GABRG3: variants seen among roughly 807,000 people sequenced by gnomAD.
The protein encoded by GABRG3 is gamma-aminobutyric acid type A receptor subunit gamma3, also known as gamma-aminobutyric acid receptor subunit gamma-3.
In GABRG3, 25 loss-of-function variants were observed where a neutral mutation model predicts 48.8. The ratio of observed to expected loss-of-function variants is 0.51; its 90% confidence interval spans 0.37 to 0.72. The LOEUF (loss-of-function observed/expected upper bound fraction) is 0.72, where lower values mean the gene tolerates loss of function less well. Ranked by LOEUF, GABRG3 falls within the 30% of genes least tolerant of loss-of-function variation. GABRG3 has a pLI of 0.00. For synonymous variants in GABRG3, 227 were observed against 217.6 expected, an observed-to-expected ratio of 1.04 and a Z score of -0.38; for missense variants, 394 against 577.9, an observed-to-expected ratio of 0.68 and a Z score of 3.26.
At chr15:27,407,375 T>C (rs1887670333) in intron 5 of GABRG3, among the ~76,000 whole-genome samples, 1 of 152,164 alleles carries the variant, frequency 6.6e-6, no homozygotes, top group Non-Finnish European at 1.5e-5. Flanking sequence ...AAATGAACAA[T>C]GGTAGCACAC....
intron 3 of GABRG3, among the ~76,000 whole-genome samples, chr15:27,197,162 G>A (rs1034106268): frequency 3.9e-5 from 6 of 152,140 alleles, no homozygotes; most frequent in African/African-American, 1.2e-4. Context: ...GTTGATTGGT[G>A]TACTAAATGC....
Position 27,391,454 on chromosome 15 carries a change from G to A in GABRG3, c.574+62566G>A, listed in dbSNP as rs992251066. On this transcript the variant is annotated intron_variant, in intron 5 of 9. Coordinates refer to ENST00000615808, the MANE Select transcript of GABRG3 (RefSeq NM_033223.5). ...ACTTAGTTCTGCACTTCATTTTCAG[G>A]TAGTAAAAATAATAATAATAATAAT... Among the ~76,000 whole-genome samples the A allele has an allele frequency of 5.3e-5, 8 of 152,002 alleles. No individual in the cohort carries two copies. The South Asian group carries it at 8.3e-4, about 16-fold the overall frequency.
chr15:27,300,836 T>C (rs1432181274), intron 3 of GABRG3, among the ~76,000 whole-genome samples: 1 of 147,876 alleles, frequency 6.8e-6, no homozygotes, highest in East Asian at 2.0e-4. Context: ...GCACGGTGGC[T>C]CACGCCTGTA....
intron 2 of GABRG3, among the ~76,000 whole-genome samples, chr15:27,018,047 A>C (rs552006700): frequency 1.3e-5 from 2 of 152,218 alleles, no homozygotes; most frequent in Admixed American, 1.3e-4. Flanking sequence ...GGAAGGGAGA[A>C]GCTGCTATTA....
chr15:27,377,164 C>A (rs1276731661), intron 5 of GABRG3, among the ~76,000 whole-genome samples: 1 of 152,208 alleles, frequency 6.6e-6, no homozygotes, highest in African/African-American at 2.4e-5. Flanking sequence ...AGTTTCTCAT[C>A]TCCATCTGAA....
rs1350241274 is a variant in GABRG3 at position 27,179,354 on chromosome 15, C to T, written c.271-147455C>T. 6.6e-6 allele frequency among the ~76,000 whole-genome samples: 1 copy of T among 152,202 alleles called. No homozygotes were observed. Among genetic ancestry groups the T allele is most frequent in the Non-Finnish European group, 1.5e-5 (1 of 68,046 alleles). Reference sequence around the variant, plus strand: ...ATCATATGTGTCCGTGAGAATAGCACATTAGCCACATTCAAAATAAGGTAC... The same window carrying T: ...ATCATATGTGTCCGTGAGAATAGCATATTAGCCACATTCAAAATAAGGTAC... On this transcript the variant is annotated intron_variant, in intron 3 of 9. Coordinates refer to ENST00000615808, the MANE Select transcript of GABRG3 (RefSeq NM_033223.5). This position sits in a 1 kb window ranked among gnomAD's most constrained non-coding sequence, Gnocchi z 4.0.
chr15:27,209,576 C>A (rs1889004041), intron 3 of GABRG3, among the ~76,000 whole-genome samples: 1 of 152,120 alleles, frequency 6.6e-6, no homozygotes. Context: ...GCCCCAGTAC[C>A]CAGCAGGGGC....
intron 3 of GABRG3, among the ~76,000 whole-genome samples, chr15:27,272,397 TG>T (rs1891118743): frequency 6.6e-6 from 1 of 152,236 alleles, no homozygotes; most frequent in Non-Finnish European, 1.5e-5. Flanking sequence ...ACATACAGTT[TG>T]GGCTCTGTGA....
chr15:27,523,769 A>G (rs1222084510), intron 7 of GABRG3, among the ~76,000 whole-genome samples: 1 of 152,018 alleles, frequency 6.6e-6, no homozygotes, highest in Non-Finnish European at 1.5e-5. Context: ...GACAGAGGAA[A>G]GAATCAGTGA....
chr15:27,328,756 C>T (rs4128125), intron 4 of GABRG3, 50 bp from the exon 5 acceptor site: 40,670 of 1,549,100 alleles, frequency 0.026, 1,236 homozygotes, highest in South Asian at 0.1. Context: ...GGCCGCCGGC[C>T]TTGCCCTGTG....
intron 5 of GABRG3, among the ~76,000 whole-genome samples, chr15:27,338,438 A>G (rs77924477): frequency 0.054 from 8,194 of 152,178 alleles, 429 homozygotes; most frequent in African/African-American, 0.13. Context: ...AACCGATTTA[A>G]GATGATCAAG....
At chr15:27,346,586 C>A (rs1341934869) in intron 5 of GABRG3, among the ~76,000 whole-genome samples, 1 of 151,548 alleles carries the variant, frequency 6.6e-6, no homozygotes, top group Non-Finnish European at 1.5e-5. Flanking sequence ...TACGTTACAC[C>A]TTTTGTAATT....
intron 4 of GABRG3, among the ~76,000 whole-genome samples, chr15:27,327,856 T>G (rs1893669272): frequency 6.6e-6 from 1 of 152,154 alleles, no homozygotes; most frequent in South Asian, 2.1e-4. Flanking sequence ...CTGCTCTTTC[T>G]GCCTCAGGGC....
chr15:27,139,358 G>GGAGA (rs369147863), intron 3 of GABRG3, among the ~76,000 whole-genome samples: 4 of 151,764 alleles, frequency 2.6e-5, no homozygotes, highest in Admixed American at 6.6e-5. Flanking sequence ...AGGAGCTTCA[G>GGAGA]GAGAGAGAGA....
At chr15:27,208,935 A>G (rs996172913) in intron 3 of GABRG3, among the ~76,000 whole-genome samples, 1 of 152,198 alleles carries the variant, frequency 6.6e-6, no homozygotes, top group East Asian at 1.9e-4. Flanking sequence ...TCACATTTGT[A>G]TACAAAGAAA....
At position 27,304,726 on chromosome 15, in the gene GABRG3, T is replaced by A. The variant is rs551686747; in HGVS notation, c.271-22083T>A. 4.6e-5 allele frequency among the ~76,000 whole-genome samples: 7 copies of A among 152,134 alleles called. No individual in the cohort carries two copies. In the East Asian group the frequency reaches 1.2e-3, roughly 25 times the overall value. ...GGCCCACCCAGATAATTCAAGGTAA[T>A]CTTCCCATCTCATGGTCTTCAACTT... On this transcript the variant is annotated intron_variant, in intron 3 of 9. Coordinates refer to ENST00000615808, the MANE Select transcript of GABRG3 (RefSeq NM_033223.5).
At chr15:27,387,124 CTG>C (rs749956488) in intron 5 of GABRG3, among the ~76,000 whole-genome samples, 19 of 152,068 alleles carry the variant, frequency 1.2e-4, no homozygotes, top group Non-Finnish European at 2.5e-4. Flanking sequence ...AGGAAACTGA[CTG>C]TACAATATAT....
intron 2 of GABRG3, among the ~76,000 whole-genome samples, chr15:27,004,327 C>T (rs574457611): frequency 6.0e-4 from 90 of 149,838 alleles, no homozygotes; most frequent in Non-Finnish European, 1.1e-3. Context: ...GGGGCAGAGG[C>T]GGTCCCCACA....
intron 3 of GABRG3, among the ~76,000 whole-genome samples, chr15:27,321,565 G>A (rs1450453895): frequency 6.6e-6 from 1 of 152,208 alleles, no homozygotes; most frequent in East Asian, 1.9e-4. Flanking sequence ...TAAGAAACCT[G>A]AACAACCTTT....
Sources: gnomAD v4.1 joint callset for allele counts (sites outside exome capture counted in the v4.1 genomes callset) on GRCh38, gnomAD v4.1.1 for gene constraint, Gnocchi (gnomAD v3.1) non-coding constraint, MANE v1.5 for transcripts, NCBI Gene and HGNC (gene_info 2026-07-23, HGNC 2026-07-21) for gene names.